The following RETREG1 variants were observed in gnomAD, a reference collection of about 807,000 sequenced individuals.
RETREG1 encodes the protein reticulophagy regulator 1.
RETREG1 carries 44 observed loss-of-function variants against 54.8 expected under a neutral mutation model. The ratio of observed to expected loss-of-function variants is 0.80; its 90% CI spans 0.63 to 1.03. The LOEUF (loss-of-function observed/expected upper bound fraction) is 1.03. Among genes scored for constraint, RETREG1 ranks in the 50% least tolerant of loss-of-function variants. The probability of loss-of-function intolerance (pLI) is 0.00; values close to 1 mark genes in which losing one functional copy is unlikely to be tolerated. For missense variants in RETREG1, 554 were observed against 605.1 expected, an observed-to-expected ratio of 0.92 and a Z score of 0.89; for synonymous variants, 217 against 238.5, an observed-to-expected ratio of 0.91 and a Z score of 0.83.
intron 3 of RETREG1, among the ~76,000 whole-genome samples, chr5:16,545,217 T>C (rs1029803443): frequency 2.0e-5 from 3 of 152,170 alleles, no homozygotes; most frequent in African/African-American, 4.8e-5. Context: ...TTCCTCATTC[T>C]TGCAATGTGA....
At chr5:16,536,783 T>C (rs527894988) in intron 3 of RETREG1, among the ~76,000 whole-genome samples, 1 of 152,358 alleles carries the variant, frequency 6.6e-6, no homozygotes, top group East Asian at 1.9e-4. Context: ...AACGGATGCC[T>C]GAGATCTCAG....
At chr5:16,579,056 G>A (rs1431921640) in intron 1 of RETREG1, among the ~76,000 whole-genome samples, 3 of 152,170 alleles carry the variant, frequency 2.0e-5, no homozygotes, top group Non-Finnish European at 2.9e-5. Context: ...AAAGGGAACC[G>A]CAAGAGAGCC....
chr5:16,474,537 CA>C lies in RETREG1; in HGVS notation c.*203del, dbSNP rs1178478806. 4.8e-6 allele frequency: 3 copies of C among 620,738 alleles called. No homozygotes were observed. In the East Asian group the frequency reaches 8.7e-5, roughly 18 times the overall value. The allele number at this position is 620,738 out of a possible 1,614,324, so 38.5% of individuals were successfully genotyped here. ...ATAAAGTTCATTTCCATGCTTATTA[CA>C]CAAAAATAACGATCAGAAATATCAA... On this transcript the variant is annotated 3_prime_UTR_variant, in exon 9 of 9. Transcript: ENST00000306320.
Position 16,585,067 on chromosome 5 carries a change from ATAGACTCCTTTCTC to A in RETREG1, c.321-12979_321-12966del, listed in dbSNP as rs1212493468. Among the ~76,000 whole-genome samples the A allele has an allele frequency of 2.0e-5, 3 of 152,118 alleles. No individual in the cohort carries two copies. Among genetic ancestry groups the A allele is most frequent in the Non-Finnish European group, 2.9e-5 (2 of 68,030 alleles). On this transcript the variant is annotated intron_variant, in intron 1 of 8. Coordinates refer to ENST00000306320, the MANE Select transcript of RETREG1 (RefSeq NM_001034850.3). The surrounding 1 kb of genome is among the most constrained non-coding windows in gnomAD (Gnocchi z 4.5). ...GGAGAGGAAAAGAGGGTGGTAGGTA[ATAGACTCCTTTCTC>A]TAAAGAGATGAGAAATTCTGGAAGA... is the stretch of plus-strand genomic sequence containing the variant.
At chr5:16,588,953 C>T (rs973843600) in intron 1 of RETREG1, among the ~76,000 whole-genome samples, 2 of 152,200 alleles carry the variant, frequency 1.3e-5, no homozygotes, top group African/African-American at 4.8e-5. Context: ...ATCTGAAGGT[C>T]AGGATCAAGT....
At chr5:16,482,804 T>C (rs550868707) in intron 4 of RETREG1, among the ~76,000 whole-genome samples, 2 of 152,116 alleles carry the variant, frequency 1.3e-5, no homozygotes, top group Non-Finnish European at 2.9e-5. Context: ...TTCCCAACCA[T>C]GTAAGACACT....
intron 3 of RETREG1, among the ~76,000 whole-genome samples, chr5:16,547,560 T>G (rs1371913690): frequency 6.6e-6 from 1 of 152,184 alleles, no homozygotes; most frequent in Admixed American, 6.5e-5. Context: ...TAACTTATGT[T>G]TCAGTAGCAT....
chr5:16,507,495 A>T (rs908890290), intron 3 of RETREG1, among the ~76,000 whole-genome samples: 28 of 152,224 alleles, frequency 1.8e-4, no homozygotes, highest in Non-Finnish European at 8.8e-5. Context: ...CACTCTAAGC[A>T]TTTCTGTAAA....
rs1313689999 is a variant in RETREG1 at position 16,585,385 on chromosome 5, A to AGGTCAAG, written c.321-13284_321-13283insCTTGACC. The stretch of plus-strand genomic sequence containing the variant: ...CTGAGGTCAAGGCAAAGAGAAACTG[A>AGGTCAAG]GCATGCTCTACTGTGCACCCTTGCA... On this transcript the variant is annotated intron_variant, in intron 1 of 8. Coordinates refer to ENST00000306320, the MANE Select transcript of RETREG1 (RefSeq NM_001034850.3). This position sits in a 1 kb window ranked among gnomAD's most constrained non-coding sequence, Gnocchi z 4.5. Among the ~76,000 whole-genome samples, 4 of 152,208 alleles carry AGGTCAAG rather than the reference A, an allele frequency of 2.6e-5. No homozygotes were observed. The highest frequency in any genetic ancestry group is 4.4e-5 in the Non-Finnish European group (3 of 68,028).
At chr5:16,607,113 C>G (rs1743210605) in intron 1 of RETREG1, among the ~76,000 whole-genome samples, 1 of 152,130 alleles carries the variant, frequency 6.6e-6, no homozygotes, top group Admixed American at 6.5e-5. Context: ...TGATGACCAC[C>G]CAACAAAGTA....
Position 16,587,569 on chromosome 5 carries a change from G to A in RETREG1, c.321-15467C>T, listed in dbSNP as rs188166635. Among the ~76,000 whole-genome samples, 7 of 152,310 alleles carry A rather than the reference G, an allele frequency of 4.6e-5. No individual in the cohort carries two copies. The East Asian group carries it at 1.4e-3, about 29-fold the overall frequency. On this transcript the variant is annotated intron_variant, in intron 1 of 8. Coordinates refer to ENST00000306320, the MANE Select transcript of RETREG1 (RefSeq NM_001034850.3). ...CGTCTATCTTTCAAATCCTCATTCAGTTGTGGTCACCCACTCATCAGTTCA... is the reference window on the plus strand; with the variant it reads ...CGTCTATCTTTCAAATCCTCATTCAATTGTGGTCACCCACTCATCAGTTCA...
chr5:16,568,386 C>A (rs1246240881), intron 2 of RETREG1, among the ~76,000 whole-genome samples: 1 of 151,972 alleles, frequency 6.6e-6, no homozygotes, highest in Admixed American at 6.6e-5. Context: ...ATTCTCCTGC[C>A]TCAGCCTCTT....
rs894112531 is a variant in RETREG1, at chr5:16,473,404, T to G, written c.*1337A>C. ...ATTAAAATGTCAGATTACTTATAATTAGTCTTTAGAAATATAAGGGATAAA... is the reference window on the plus strand; with the variant it reads ...ATTAAAATGTCAGATTACTTATAATGAGTCTTTAGAAATATAAGGGATAAA... On this transcript the variant is annotated 3_prime_UTR_variant, in exon 9 of 9. Transcript: ENST00000306320. 5.9e-5 allele frequency: 9 copies of G among 152,694 alleles called. No homozygotes were observed. Among genetic ancestry groups the G allele is most frequent in the Admixed American group, 2.0e-4 (3 of 15,292 alleles). The allele number at this position is 152,694 out of a possible 1,614,324, so 9.5% of individuals were successfully genotyped here.
chr5:16,534,094 A>C (rs1740988795), intron 3 of RETREG1, among the ~76,000 whole-genome samples: 1 of 150,556 alleles, frequency 6.6e-6, no homozygotes, highest in African/African-American at 2.5e-5. Context: ...GGTCTGAGAA[A>C]CCAAAAAAAA....
At chr5:16,521,558 G>A (rs976116064) in intron 3 of RETREG1, among the ~76,000 whole-genome samples, 2 of 152,286 alleles carry the variant, frequency 1.3e-5, no homozygotes, top group South Asian at 2.1e-4. Context: ...CTTAGCAAAC[G>A]TAAGGAAGTG....
intron 1 of RETREG1, among the ~76,000 whole-genome samples, chr5:16,610,540 A>T (rs1743312325): frequency 6.6e-6 from 1 of 152,202 alleles, no homozygotes; most frequent in Admixed American, 6.5e-5. Flanking sequence ...GAATCTACAA[A>T]GAACTTAAAC....
intron 3 of RETREG1, among the ~76,000 whole-genome samples, chr5:16,555,895 T>C (rs1741690996): frequency 6.6e-6 from 1 of 152,216 alleles, no homozygotes; most frequent in Admixed American, 6.5e-5. Context: ...TAACTACTAA[T>C]CATTTTTTCT....
chr5:16,487,207 G>A (rs1233932689), intron 3 of RETREG1, among the ~76,000 whole-genome samples: 2 of 152,156 alleles, frequency 1.3e-5, no homozygotes, highest in Non-Finnish European at 2.9e-5. Context: ...TGTGACTGAC[G>A]CTCAACTAAG....
chr5:16,590,443 T>C (rs779819256), intron 1 of RETREG1, among the ~76,000 whole-genome samples: 1 of 152,238 alleles, frequency 6.6e-6, no homozygotes, highest in Admixed American at 6.5e-5. Flanking sequence ...TATTTTAATG[T>C]CCTGTTTTAC....
Sources: gnomAD v4.1 joint callset for allele counts (sites outside exome capture counted in the v4.1 genomes callset) on GRCh38, gnomAD v4.1.1 for gene constraint, Gnocchi (gnomAD v3.1) non-coding constraint, MANE v1.5 for transcripts, NCBI Gene and HGNC (gene_info 2026-07-23, HGNC 2026-07-21) for gene names.